LIPC: variants seen among roughly 807,000 people sequenced by gnomAD.
LIPC encodes hepatic triacylglycerol lipase.
Under a neutral mutation model 50.7 loss-of-function variants are expected in LIPC, and 44 were observed. That is an observed-to-expected ratio of 0.87 (90% CI 0.68 to 1.11). LIPC has a LOEUF of 1.11. LIPC is among the 50% of genes most tolerant of loss of function. The probability of loss-of-function intolerance (pLI) is 0.00; values close to 1 mark genes in which losing one functional copy is unlikely to be tolerated. For missense variants in LIPC, 697 were observed against 648.2 expected (o/e 1.08, Z -0.82); for synonymous variants, 271 against 256.4 (o/e 1.06, Z -0.54).
At chr15:58,482,079 T>C (rs1366745372) in intron 1 of LIPC, among the ~76,000 whole-genome samples, 2 of 152,228 alleles carry the variant, frequency 1.3e-5, no homozygotes, top group Admixed American at 1.3e-4. Context: ...TTTTAGCAAG[T>C]GCATGCATTA....
At chr15:58,483,782 A>C (rs1019303597) in intron 1 of LIPC, among the ~76,000 whole-genome samples, 3 of 152,142 alleles carry the variant, frequency 2.0e-5, no homozygotes, top group African/African-American at 7.2e-5. Context: ...TTGATAATTT[A>C]ATAGCTCTGC....
At position 58,549,140 on chromosome 15, in the gene LIPC, G is replaced by T. The variant is rs570681110; in HGVS notation, c.1051+568G>T. 5.3e-5 allele frequency among the ~76,000 whole-genome samples: 8 copies of T among 152,324 alleles called. No homozygotes were observed. In the South Asian group the frequency reaches 1.7e-3, roughly 32 times the overall value. ...AGAAAGTGGGCCCAGCAGCTCTCTG[G>T]ATTGAATGGAAGATTGTAGAAAGGG... On this transcript the variant is annotated intron_variant, in intron 6 of 8. Coordinates refer to ENST00000299022, the MANE Select transcript of LIPC (RefSeq NM_000236.3).
Position 58,542,662 on chromosome 15 carries a change from C to G in LIPC, c.574+11C>G, listed in dbSNP as rs1212279767. On this transcript the variant is annotated intron_variant, in intron 4 of 8. Coordinates refer to ENST00000299022, the MANE Select transcript of LIPC (RefSeq NM_000236.3). ...TTGGGAGAATCACAGGTAACCATGC[C>G]TAATAACTCACACACTGATCTCCAC... 18 of 1,562,530 alleles carry G rather than the reference C, an allele frequency of 1.2e-5. No individual in the cohort carries two copies. The highest frequency in any genetic ancestry group is 1.6e-5 in the Non-Finnish European group (18 of 1,133,462).
At chr15:58,512,960 C>A (rs543026397) in intron 1 of LIPC, among the ~76,000 whole-genome samples, 39 of 129,268 alleles carry the variant, frequency 3.0e-4, no homozygotes, top group Admixed American at 6.3e-4. Context: ...AAAGCATCAA[C>A]GAAAAAAAAA....
chr15:58,504,213 G>A (rs1040735689), intron 1 of LIPC, among the ~76,000 whole-genome samples: 1 of 152,172 alleles, frequency 6.6e-6, no homozygotes, highest in Admixed American at 6.5e-5. Flanking sequence ...AAGTCCTCTT[G>A]ATGGTGGGGT....
In LIPC at chr15:58,489,219, G is replaced by GTT. The variant is rs1555400832; in HGVS notation, c.89-49114_89-49113insTT. Reference sequence around the variant, plus strand: ...ACCATTAGGGATTCATTTTGTTGCGGGGGCGGGGGGGCGGCTTACAAGCTT... The same window carrying GTT: ...ACCATTAGGGATTCATTTTGTTGCGGTTGGGCGGGGGGGCGGCTTACAAGCTT... On this transcript the variant is annotated intron_variant, in intron 1 of 8. Coordinates refer to ENST00000299022, the MANE Select transcript of LIPC (RefSeq NM_000236.3). Among the ~76,000 whole-genome samples, 33 of 66,164 alleles carry GTT rather than the reference G, an allele frequency of 5.0e-4. 8 individuals are homozygous for GTT. In the East Asian group the frequency reaches 0.013, roughly 27 times the overall value. 43.4% of individuals were successfully genotyped at this position (66,164 alleles called of 152,430 possible).
intron 1 of LIPC, among the ~76,000 whole-genome samples, chr15:58,453,389 G>A (rs993740181): frequency 1.3e-4 from 20 of 152,062 alleles, no homozygotes; most frequent in Admixed American, 1.0e-3. Context: ...CCGCATTCTC[G>A]GTAAGTGATT....
At chr15:58,451,873 G>C (rs572956287) in intron 1 of LIPC, among the ~76,000 whole-genome samples, 6 of 152,316 alleles carry the variant, frequency 3.9e-5, no homozygotes, top group Admixed American at 1.3e-4. Context: ...GGCTATCGTA[G>C]CTAAGCTACC....
At chr15:58,485,185 C>T (rs539716684) in intron 1 of LIPC, among the ~76,000 whole-genome samples, 2 of 152,144 alleles carry the variant, frequency 1.3e-5, no homozygotes, top group South Asian at 2.1e-4. Flanking sequence ...AAGAGGACGG[C>T]GGGGTTAAGC....
At chr15:58,496,500 G>A (rs1174528092) in intron 1 of LIPC, among the ~76,000 whole-genome samples, 1 of 152,068 alleles carries the variant, frequency 6.6e-6, no homozygotes, top group East Asian at 1.9e-4. Flanking sequence ...AGGGAGAAAA[G>A]GAAGGGAAAG....
chr15:58,550,803 C>CCACGCCCAGCTAATTTTTGTATTTTTAGT (rs1566948524), intron 6 of LIPC, among the ~76,000 whole-genome samples: 4 of 149,176 alleles, frequency 2.7e-5, no homozygotes, highest in African/African-American at 9.9e-5. Flanking sequence ...GCTTGTACCA[C>CCACGCCCAGCTAATTTTTGTATTTTTAGT]ACCCTCTCCT....
intron 1 of LIPC, among the ~76,000 whole-genome samples, chr15:58,496,821 A>AT (rs1420036341): frequency 6.7e-6 from 1 of 148,608 alleles, no homozygotes; most frequent in African/African-American, 2.5e-5. Context: ...CTCTCCAGGG[A>AT]TTACAGGTCT....
chr15:58,538,461 C>T lies in LIPC; in HGVS notation c.217C>T (p.Gln73Ter). Reference protein sequence around the residue: ...QIRINHPDTLQECGFNSSLPL... With the variant: ...QIRINHPDTL ...TCGAATCAATCATCCGGACACGTTACAGGAGTGCGGCTTCAACTCCTCCCT... is the reference window on the plus strand; with the variant it reads ...TCGAATCAATCATCCGGACACGTTATAGGAGTGCGGCTTCAACTCCTCCCT... Residue 73 changes from glutamine to a stop codon, truncating the protein, a stop_gained, in exon 2 of 9, where the codon CAG (glutamine) becomes TAG (stop). Coordinates refer to ENST00000299022, the MANE Select transcript of LIPC (RefSeq NM_000236.3). LOFTEE classifies it high-confidence loss of function. The T allele has an allele frequency of 6.2e-7, 1 of 1,614,220 alleles. No individual in the cohort carries two copies. Among genetic ancestry groups the T allele is most frequent in the Non-Finnish European group, 8.5e-7 (1 of 1,180,034 alleles).
chr15:58,433,698 C>G (rs1158079892), intron 1 of LIPC, among the ~76,000 whole-genome samples: 1 of 152,200 alleles, frequency 6.6e-6, no homozygotes, highest in African/African-American at 2.4e-5. Flanking sequence ...TGGCCTCCCC[C>G]AGGCTTCTGG....
chr15:58,558,055 C>T (rs1894018878), intron 6 of LIPC, among the ~76,000 whole-genome samples: 1 of 143,522 alleles, frequency 7.0e-6, no homozygotes, highest in Non-Finnish European at 1.5e-5. Flanking sequence ...CCAGGACTTG[C>T]GCCTATAGCT....
intron 6 of LIPC, among the ~76,000 whole-genome samples, chr15:58,555,456 C>G (rs544706056): frequency 6.6e-6 from 1 of 152,274 alleles, no homozygotes; most frequent in East Asian, 1.9e-4. Context: ...GGGACAGACT[C>G]AGCTTGCAGA....
intron 1 of LIPC, among the ~76,000 whole-genome samples, chr15:58,442,721 C>G (rs1020835144): frequency 6.6e-6 from 1 of 152,196 alleles, no homozygotes; most frequent in African/African-American, 2.4e-5. Flanking sequence ...GCAAACTCTC[C>G]TTAGACCACT....
chr15:58,459,689 C>T (rs1233749208), intron 1 of LIPC, among the ~76,000 whole-genome samples: 1 of 152,254 alleles, frequency 6.6e-6, no homozygotes, highest in Non-Finnish European at 1.5e-5. Context: ...GAAAATCAGC[C>T]TCGTGCTCTG....
At chr15:58,525,533 G>A (rs1001368009) in intron 1 of LIPC, among the ~76,000 whole-genome samples, 1 of 152,190 alleles carries the variant, frequency 6.6e-6, no homozygotes, top group Non-Finnish European at 1.5e-5. Context: ...ACCAGGGAAA[G>A]AGGCAAGCAC....
Sources: allele counts gnomAD v4.1 joint callset (sites outside exome capture counted in the v4.1 genomes callset), GRCh38; gene constraint gnomAD v4.1.1; transcripts MANE v1.5; gene names NCBI Gene and HGNC (gene_info 2026-07-23, HGNC 2026-07-21).